ARHGAP26: variants seen among roughly 807,000 people sequenced by gnomAD.
The protein encoded by ARHGAP26 is rho GTPase-activating protein 26.
ARHGAP26 carries 38 observed loss-of-function variants against 104.8 expected under a neutral mutation model. That is an observed-to-expected ratio of 0.36 (90% CI 0.28 to 0.48). The LOEUF is 0.48. Ranked by LOEUF, ARHGAP26 falls within the 20% of genes least tolerant of loss-of-function variation. The pLI is 0.99. For synonymous variants in ARHGAP26, 341 were observed against 340.0 expected (o/e 1.00, Z -0.03); for missense variants, 704 against 947.9 (o/e 0.74, Z 3.38).
At chr5:143,211,231 T>C (rs1809409291) in intron 21 of ARHGAP26, among the ~76,000 whole-genome samples, 1 of 152,170 alleles carries the variant, frequency 6.6e-6, no homozygotes, top group South Asian at 2.1e-4. Flanking sequence ...CCAGTTAAAT[T>C]TGGATGGTAG....
intron 11 of ARHGAP26, among the ~76,000 whole-genome samples, chr5:142,956,469 C>T (rs556937983): frequency 2.6e-5 from 4 of 152,046 alleles, no homozygotes; most frequent in South Asian, 2.1e-4. Flanking sequence ...CCCAGCTACT[C>T]GGGAAGCTGA....
chr5:142,935,885 C>T (rs1475326672), intron 11 of ARHGAP26, among the ~76,000 whole-genome samples: 1 of 152,098 alleles, frequency 6.6e-6, no homozygotes, highest in African/African-American at 2.4e-5. Context: ...CCAAGTTTAC[C>T]GCTAACATCA....
intron 11 of ARHGAP26, among the ~76,000 whole-genome samples, chr5:142,945,448 T>C (rs1033889907): frequency 1.3e-5 from 2 of 152,230 alleles, no homozygotes; most frequent in African/African-American, 4.8e-5. Flanking sequence ...GGTTAACTAC[T>C]GCCCAGTCTT....
chr5:143,018,553 C>T (rs1176449952), intron 12 of ARHGAP26, among the ~76,000 whole-genome samples: 1 of 152,166 alleles, frequency 6.6e-6, no homozygotes, highest in Non-Finnish European at 1.5e-5. Context: ...TTATTTTTAT[C>T]CTTGGGAAGA....
Position 143,036,779 on chromosome 5 carries a change from T to A in ARHGAP26, c.1145-417T>A, listed in dbSNP as rs140256373. Among the ~76,000 whole-genome samples, 36 of 152,346 alleles carry A rather than the reference T, an allele frequency of 2.4e-4. No individual in the cohort carries two copies. In the East Asian group the frequency reaches 6.2e-3, roughly 26 times the overall value. The stretch of plus-strand genomic sequence containing the variant: ...TGAGATCAAGTGAGAAAATCTATTT[T>A]AAGCACTTACCCAACATTTATAGAC... On this transcript the variant is annotated intron_variant, in intron 12 of 22. Coordinates refer to ENST00000645722, the MANE Select transcript of ARHGAP26 (RefSeq NM_001135608.3).
intron 18 of ARHGAP26, among the ~76,000 whole-genome samples, chr5:143,127,634 A>T (rs755130673): frequency 4.6e-5 from 7 of 152,192 alleles, no homozygotes; most frequent in Non-Finnish European, 5.9e-5. Flanking sequence ...TCCCAATAAA[A>T]TGCTAGTGAC....
intron 17 of ARHGAP26, among the ~76,000 whole-genome samples, chr5:143,078,165 C>T (rs188535691): frequency 4.6e-5 from 7 of 152,324 alleles, no homozygotes; most frequent in South Asian, 2.1e-4. Flanking sequence ...AATCATGTTA[C>T]GCTAACTCAA....
At chr5:143,089,957 G>A (rs553389800) in intron 17 of ARHGAP26, among the ~76,000 whole-genome samples, 189 of 152,292 alleles carry the variant, frequency 1.2e-3, no homozygotes, top group African/African-American at 4.2e-3. Context: ...CCAGTTATTC[G>A]GCAGAGTGTC....
intron 19 of ARHGAP26, among the ~76,000 whole-genome samples, chr5:143,137,806 G>T (rs1047595822): frequency 3.9e-5 from 6 of 152,164 alleles, no homozygotes; most frequent in African/African-American, 1.4e-4. Flanking sequence ...GAGACTCCAG[G>T]TGCTGTTGGC....
chr5:142,828,022 G>T (rs1004458050), intron 1 of ARHGAP26, among the ~76,000 whole-genome samples: 5 of 152,180 alleles, frequency 3.3e-5, no homozygotes, highest in Admixed American at 1.3e-4. Context: ...AGGACTAGTA[G>T]ATGGTTCATT....
chr5:142,874,839 C>G (rs968839094), intron 2 of ARHGAP26: 3 of 332,344 alleles, frequency 9.0e-6, no homozygotes, highest in African/African-American at 6.4e-5. Flanking sequence ...CTGCCAGCAT[C>G]TCACCAGTCC....
At chr5:143,089,451 G>A (rs1791083631) in intron 17 of ARHGAP26, among the ~76,000 whole-genome samples, 1 of 152,216 alleles carries the variant, frequency 6.6e-6, no homozygotes, top group South Asian at 2.1e-4. Context: ...TAACTCATTG[G>A]ACAGAGCAGT....
intron 12 of ARHGAP26, among the ~76,000 whole-genome samples, chr5:143,025,548 G>A (rs1780926922): frequency 6.6e-6 from 1 of 152,226 alleles, no homozygotes; most frequent in Non-Finnish European, 1.5e-5. Flanking sequence ...TGAGGCCACT[G>A]TGTAATTCAT....
intron 20 of ARHGAP26, among the ~76,000 whole-genome samples, chr5:143,179,559 C>G (rs1804003497): frequency 6.6e-6 from 1 of 152,236 alleles, no homozygotes; most frequent in Non-Finnish European, 1.5e-5. Context: ...CTTCCCCACA[C>G]CTGGGGCTTG....
At chr5:142,923,601 A>G (rs942552803) in intron 10 of ARHGAP26, among the ~76,000 whole-genome samples, 3 of 152,182 alleles carry the variant, frequency 2.0e-5, no homozygotes, top group African/African-American at 7.2e-5. Context: ...CTGGCACATA[A>G]TAGGAACTCA....
At chr5:143,015,726 G>T (rs556164732) in intron 12 of ARHGAP26, among the ~76,000 whole-genome samples, 2 of 152,002 alleles carry the variant, frequency 1.3e-5, no homozygotes, top group Non-Finnish European at 2.9e-5. Context: ...GTGGTGGGGT[G>T]GGGGAGGAGA....
chr5:142,814,689 C>G (rs181863128), intron 1 of ARHGAP26, among the ~76,000 whole-genome samples: 30 of 152,274 alleles, frequency 2.0e-4, no homozygotes, highest in Admixed American at 9.8e-4. Context: ...GCTCCGGAGT[C>G]CCACTAACCC....
intron 11 of ARHGAP26, among the ~76,000 whole-genome samples, chr5:142,990,739 G>T (rs538261887): frequency 6.6e-6 from 1 of 152,290 alleles, no homozygotes; most frequent in East Asian, 1.9e-4. Context: ...TCCAGACCCT[G>T]TTTGCCTGAG....
chr5:142,963,198 A>ATATATGTGTGTGTGTGTGTGTGTGTG (rs869247749), intron 11 of ARHGAP26, among the ~76,000 whole-genome samples: 7 of 98,318 alleles, frequency 7.1e-5, no homozygotes, highest in East Asian at 9.4e-4. Flanking sequence ...ATATATATAT[A>ATATATGTGTGTGTGTGTGTGTGTGTG]TGTGTGTGTG....
Sources: gnomAD v4.1 joint callset for allele counts (sites outside exome capture counted in the v4.1 genomes callset) on GRCh38, gnomAD v4.1.1 for gene constraint, MANE v1.5 for transcripts, NCBI Gene and HGNC (gene_info 2026-07-23, HGNC 2026-07-21) for gene names.